Variants in MROH7 observed in about 807,000 individuals in gnomAD.
MROH7 encodes maestro heat like repeat family member 7.
In MROH7, 113 loss-of-function variants were observed where a neutral mutation model predicts 129.2. The ratio of observed to expected loss-of-function variants is 0.87; its 90% CI spans 0.75 to 1.02. MROH7 has a LOEUF of 1.02. Among genes scored for constraint, MROH7 ranks in the 50% least tolerant of loss-of-function variants. MROH7 has a pLI of 0.00. For missense variants in MROH7, 1,601 were observed against 1,671.3 expected (o/e 0.96, Z 0.73); for synonymous variants, 655 against 667.9 (o/e 0.98, Z 0.30).
chr1:54,701,296 C>G lies in MROH7; in HGVS notation c.3259C>G (p.Gln1087Glu), dbSNP rs777013639. 1.9e-6 allele frequency: 3 copies of G among 1,600,680 alleles called. No homozygotes were observed. Among genetic ancestry groups the G allele is most frequent in the Non-Finnish European group, 2.6e-6 (3 of 1,170,946 alleles). ...CAGTGCGGTCTATGTGGAGATGCTG[C>G]AGATCCTGCTGCCGCACTTCAGCGA... Reference protein sequence around the residue: ...MDSAVYVEMLQILLPHFSDAR... With the variant: ...MDSAVYVEMLEILLPHFSDAR... Residue 1087 changes from glutamine to glutamate, a missense_variant, in exon 19 of 24, where the codon CAG (glutamine) becomes GAG (glutamate). Physicochemically the swap from Gln to Glu is conservative, Grantham distance 29 (BLOSUM62 2). Transcript: ENST00000421030.
chr1:54,664,141 T>G (rs1644776889), intron 3 of MROH7: 1 of 164,658 alleles, frequency 6.1e-6, no homozygotes, highest in African/African-American at 2.4e-5. Context: ...GGCCCACACC[T>G]ATCTGAAGAG....
rs12087724 is a variant in MROH7 at position 54,683,793 on chromosome 1, C to T, written c.2520+999C>T. 1.6e-4 allele frequency among the ~76,000 whole-genome samples: 24 copies of T among 152,296 alleles called. 1 individual carries two copies. In the South Asian group the frequency reaches 1.7e-3, roughly 11 times the overall value. On this transcript the variant is annotated intron_variant, in intron 14 of 23. Transcript: ENST00000421030. ...TTCCTCTACCTAGAATGCTCTCCACCGAGCTAACTTCTACTCATCCTTCAG... is the reference window on the plus strand; with the variant it reads ...TTCCTCTACCTAGAATGCTCTCCACTGAGCTAACTTCTACTCATCCTTCAG...
intron 5 of MROH7, among the ~76,000 whole-genome samples, chr1:54,669,898 G>A (rs1328885775): frequency 6.6e-6 from 1 of 151,544 alleles, no homozygotes; most frequent in Non-Finnish European, 1.5e-5. Context: ...CAGCTACTCA[G>A]AAGGCTGAGG....
chr1:54,704,429 A>ATTTTT (rs34380712), intron 21 of MROH7, among the ~76,000 whole-genome samples: 4 of 112,284 alleles, frequency 3.6e-5, no homozygotes, highest in East Asian at 2.7e-4. Flanking sequence ...CTAGAAACCT[A>ATTTTT]TTTTTTTTTT....
At chr1:54,695,208 G>A (rs1645300585) in intron 16 of MROH7, among the ~76,000 whole-genome samples, 168 bp from the exon 17 acceptor site, 1 of 152,236 alleles carries the variant, frequency 6.6e-6, no homozygotes, top group Non-Finnish European at 1.5e-5. Context: ...AAATGAAGCA[G>A]TGAAACCAGA....
chr1:54,699,742 G>A, intron 17 of MROH7: 1 of 281,954 alleles, frequency 3.5e-6, no homozygotes, highest in Non-Finnish European at 6.7e-6. Flanking sequence ...TGTTGGATAG[G>A]GGAGGCAGAT....
intron 15 of MROH7, among the ~76,000 whole-genome samples, chr1:54,688,803 A>C (rs890514305): frequency 6.6e-6 from 1 of 152,192 alleles, no homozygotes; most frequent in African/African-American, 2.4e-5. Flanking sequence ...ACAAGGGGAA[A>C]AAAAGGAGGC....
At position 54,659,164 on chromosome 1, in the gene MROH7, G is replaced by A. The variant is rs187085653; in HGVS notation, c.1231+5007G>A. On this transcript the variant is annotated intron_variant, in intron 3 of 23. Coordinates refer to ENST00000421030, the MANE Select transcript of MROH7 (RefSeq NM_001039464.4). ...GGCTGGAGTGCAATGGTGCGATCTC[G>A]GCTCACTGCAACCTCTGCCTCCCAG... is the stretch of plus-strand genomic sequence containing the variant. 596 of 399,742 alleles carry A rather than the reference G, an allele frequency of 1.5e-3. 10 individuals are homozygous for A. The East Asian group carries it at 0.041, about 28-fold the overall frequency. The allele number at this position is 399,742 out of a possible 1,614,324, so 24.8% of individuals were successfully genotyped here.
chr1:54,669,820 C>T (rs147261418), intron 5 of MROH7, among the ~76,000 whole-genome samples: 94 of 151,784 alleles, frequency 6.2e-4, no homozygotes, highest in African/African-American at 1.8e-3. Context: ...ACCAAAATGG[C>T]GAAACCCCAT....
chr1:54,681,062 G>C lies in MROH7; in HGVS notation c.2381+1017G>C, dbSNP rs1482251081. ...GGCAGTGTCAGGAGCTCCTCCTTGC[G>C]GGGGTCCTTGCAGCAGCCCCCACAG... On this transcript the variant is annotated intron_variant, in intron 13 of 23. Transcript: ENST00000421030. Among the ~76,000 whole-genome samples, 6 of 152,114 alleles carry C rather than the reference G, an allele frequency of 3.9e-5. No individual in the cohort carries two copies. In the East Asian group the frequency reaches 1.2e-3, roughly 29 times the overall value.
intron 15 of MROH7, among the ~76,000 whole-genome samples, chr1:54,691,095 A>G (rs17110947): frequency 0.14 from 21,648 of 152,180 alleles, 2,024 homozygotes; most frequent in Admixed American, 0.27. Context: ...TGCAAAGGGA[A>G]GAGAATGGTG....
At position 54,710,252 on chromosome 1, in the gene MROH7, T is replaced by C. The variant is rs184574105; in HGVS notation, c.*65T>C. The stretch of plus-strand genomic sequence containing the variant: ...CCAGCCATGCTCCCTATAAATGTCA[T>C]GTGGCTTACCTCTCCATCTTGATTG... On this transcript the variant is annotated 3_prime_UTR_variant, in exon 24 of 24. Coordinates refer to ENST00000421030, the MANE Select transcript of MROH7 (RefSeq NM_001039464.4). 1.2e-4 allele frequency: 190 copies of C among 1,558,316 alleles called. No homozygotes were observed. The African/African-American group carries it at 2.1e-3, about 17-fold the overall frequency.
rs1476601209 is a variant in MROH7 at position 54,709,911 on chromosome 1, C to A, written c.3731-35C>A. 3 of 1,599,114 alleles carry A rather than the reference C, an allele frequency of 1.9e-6. No individual in the cohort carries two copies. In the Admixed American group the frequency reaches 5.0e-5, roughly 27 times the overall value. On this transcript the variant is annotated intron_variant, in intron 23 of 23. Transcript: ENST00000421030. ...ATGAGACCCACATAGGGCCCTGGGT[C>A]TTAATAGGAGGCTTCTCCCTTCCCC...
At chr1:54,656,558 C>T (rs1211607418) in intron 3 of MROH7, among the ~76,000 whole-genome samples, 3 of 149,080 alleles carry the variant, frequency 2.0e-5, no homozygotes, top group Non-Finnish European at 3.0e-5. Flanking sequence ...CGCGGTGGCT[C>T]ATGCCTGTAG....
chr1:54,652,965 A>G lies in MROH7; in HGVS notation c.39A>G (p.Glu13=), dbSNP rs1644579944. ...CAGGGGCTAACCTGGTCTTCCATGA[A>G]GACCCAAAGATGACACCAAGTCCCC... The part of the protein sequence containing the change: ...LSPGANLVFH[E]DPKMTPSPPS... Residue 13 remains glutamate (E), a synonymous_variant, in exon 3 of 24, where the codon GAA becomes GAG. Transcript: ENST00000421030. The G allele has an allele frequency of 1.2e-6, 2 of 1,610,844 alleles. No individual in the cohort carries two copies. Among genetic ancestry groups the G allele is most frequent in the African/African-American group, 2.7e-5 (2 of 74,916 alleles).
chr1:54,704,793 C>CT (rs750428757), intron 21 of MROH7, among the ~76,000 whole-genome samples: 1,454 of 67,660 alleles, frequency 0.021, 96 homozygotes, highest in Middle Eastern at 0.034. Context: ...CAATGTAGCT[C>CT]TTTTTTTTTT....
At chr1:54,667,651 T>C (rs534161416) in intron 4 of MROH7, among the ~76,000 whole-genome samples, 1 of 152,130 alleles carries the variant, frequency 6.6e-6, no homozygotes, top group African/African-American at 2.4e-5. Context: ...AGACAGGGTT[T>C]CATCATATTG....
intron 10 of MROH7, among the ~76,000 whole-genome samples, chr1:54,675,331 G>A (rs1485101758): frequency 6.6e-6 from 1 of 152,160 alleles, no homozygotes; most frequent in African/African-American, 2.4e-5. Flanking sequence ...CATATGTAAA[G>A]GTACTAGCTC....
intron 17 of MROH7, chr1:54,699,063 A>G (rs1645369035): frequency 6.7e-6 from 1 of 150,118 alleles, no homozygotes; most frequent in African/African-American, 2.5e-5. Context: ...CAAAGTGCTG[A>G]GATTATAGGT....
Sources: allele counts gnomAD v4.1 joint callset (sites outside exome capture counted in the v4.1 genomes callset), GRCh38; gene constraint gnomAD v4.1.1; transcripts MANE v1.5; gene names NCBI Gene and HGNC (gene_info 2026-07-23, HGNC 2026-07-21).